Variants in TSHR observed in about 807,000 individuals in gnomAD.
TSHR encodes the protein thyrotropin receptor.
TSHR carries 51 observed loss-of-function variants against 64.1 expected under a neutral mutation model. That is an observed-to-expected ratio of 0.80 (90% CI 0.64 to 1.01). The LOEUF (loss-of-function observed/expected upper bound fraction) is 1.01, where lower values mean the gene tolerates loss of function less well. Among genes scored for constraint, TSHR ranks in the 50% least tolerant of loss-of-function variants. The pLI, the probability that TSHR is intolerant of heterozygous loss-of-function variation, is 0.00. For synonymous variants in TSHR, 361 were observed against 361.9 expected (o/e 1.00, Z 0.03); for missense variants, 877 against 942.8 (o/e 0.93, Z 0.91).
chr14:81,130,998 C>CA (rs76794218), intron 8 of TSHR, among the ~76,000 whole-genome samples: 8,363 of 67,106 alleles, frequency 0.12, 1,382 homozygotes, highest in African/African-American at 0.17. Flanking sequence ...ACTCCGTCTC[C>CA]AAAAAAAAAA....
At chr14:80,971,545 A>G (rs890781442) in intron 1 of TSHR, among the ~76,000 whole-genome samples, 7 of 152,210 alleles carry the variant, frequency 4.6e-5, no homozygotes, top group Non-Finnish European at 7.3e-5. Context: ...GCTATGATAG[A>G]ACCTACCTAT....
chr14:80,981,816 A>T (rs1338739321), intron 1 of TSHR, among the ~76,000 whole-genome samples: 2 of 152,164 alleles, frequency 1.3e-5, no homozygotes, highest in African/African-American at 2.4e-5. Flanking sequence ...TGTATCGTTG[A>T]CAGAGGCTGC....
Position 81,104,967 on chromosome 14 carries a change from CATAG to C in TSHR, c.615-3404_615-3401del, listed in dbSNP as rs966610823. 4 of 985,270 alleles carry C rather than the reference CATAG, an allele frequency of 4.1e-6. No individual in the cohort carries two copies. In the African/African-American group the frequency reaches 7.0e-5, roughly 17 times the overall value. 61.0% of individuals were successfully genotyped at this position (985,270 alleles called of 1,614,324 possible). A position where few individuals can be genotyped will look rare whatever the true frequency, so the allele number is the denominator to read the frequency against. On this transcript the variant is annotated intron_variant, in intron 7 of 9. Coordinates refer to ENST00000298171, the MANE Select transcript of TSHR (RefSeq NM_000369.5). ...TTCTTTTCTCATAAGCCCTTTCCAGCATAGATATTTAGAAACCCTGACTTTCAAA... is the reference window on the plus strand; with the variant it reads ...TTCTTTTCTCATAAGCCCTTTCCAGCATATTTAGAAACCCTGACTTTCAAA...
intron 8 of TSHR, among the ~76,000 whole-genome samples, chr14:81,113,293 C>T (rs919281521): frequency 3.3e-5 from 5 of 152,176 alleles, no homozygotes; most frequent in African/African-American, 4.8e-5. Flanking sequence ...ATGAGAGAAA[C>T]GAAGGAATCA....
At chr14:81,079,860 GAAA>G (rs11315908) in intron 3 of TSHR, among the ~76,000 whole-genome samples, 1 of 89,636 alleles carries the variant, frequency 1.1e-5, no homozygotes, top group African/African-American at 3.3e-5. Flanking sequence ...TAGCTCAAAA[GAAA>G]AAAAAAAAAA....
intron 3 of TSHR, chr14:81,078,941 G>A (rs896096798): frequency 1.3e-5 from 2 of 152,174 alleles, no homozygotes; most frequent in African/African-American, 4.8e-5. Context: ...AAAATTGTGA[G>A]CTATAATAAA....
At chr14:81,069,340 C>T (rs1015110193) in intron 3 of TSHR, among the ~76,000 whole-genome samples, 25 of 152,146 alleles carry the variant, frequency 1.6e-4, no homozygotes, top group African/African-American at 6.0e-4. Flanking sequence ...CATTAAGATG[C>T]TTTCAAGAAT....
intron 8 of TSHR, among the ~76,000 whole-genome samples, chr14:81,124,130 A>G (rs7150881): frequency 0.068 from 10,421 of 152,220 alleles, 915 homozygotes; most frequent in East Asian, 0.23. Context: ...ATCAGCATAA[A>G]TAAACTTCAA....
intron 1 of TSHR, among the ~76,000 whole-genome samples, chr14:81,005,565 A>G (rs1451897981): frequency 4.6e-5 from 7 of 152,160 alleles, no homozygotes. Flanking sequence ...ATCCACAATC[A>G]ATATTGTTCA....
At chr14:80,988,250 G>A (rs1202746567) in intron 1 of TSHR, among the ~76,000 whole-genome samples, 1 of 152,162 alleles carries the variant, frequency 6.6e-6, no homozygotes, top group Non-Finnish European at 1.5e-5. Context: ...AAAGAAAAGA[G>A]GTGTATTTGG....
At chr14:80,990,426 C>A (rs1464358601) in intron 1 of TSHR, among the ~76,000 whole-genome samples, 8 of 152,348 alleles carry the variant, frequency 5.3e-5, no homozygotes, top group Non-Finnish European at 8.8e-5. Context: ...TGTCATCTGG[C>A]CCCTTTGATG....
chr14:81,139,714 C>G lies in TSHR; in HGVS notation c.728C>G (p.Ser243Cys). Residue 243 changes from serine (S) to cysteine (C), a missense_variant, in exon 9 of 10, where the codon TCC becomes TGC. Ser to Cys is a moderately radical substitution (Grantham distance 112, BLOSUM62 -1). Transcript: ENST00000298171. ...VSQTSVTALP[S>C]KGLEHLKELI... ...CAAACCAGTGTCACTGCCCTTCCAT[C>G]CAAAGGCCTGGAGCACCTGAAGGAA... The G allele has an allele frequency of 6.2e-7, 1 of 1,614,208 alleles. No individual in the cohort carries two copies.
intron 1 of TSHR, among the ~76,000 whole-genome samples, chr14:80,980,425 C>T (rs1332741517): frequency 6.6e-6 from 1 of 152,182 alleles, no homozygotes. Flanking sequence ...CCACTATCCA[C>T]TTTTTCCTTC....
chr14:81,085,906 A>G (rs141775720), intron 3 of TSHR, among the ~76,000 whole-genome samples: 2 of 152,326 alleles, frequency 1.3e-5, no homozygotes, highest in East Asian at 3.9e-4. Context: ...GCAAGGTGGG[A>G]AAATTATGAG....
chr14:81,091,180 G>A, intron 5 of TSHR, 37 bp downstream of exon 5: 7 of 1,554,034 alleles, frequency 4.5e-6, no homozygotes, highest in African/African-American at 1.4e-5. Context: ...ACAATATTTT[G>A]TTTGTCACTG....
intron 1 of TSHR, among the ~76,000 whole-genome samples, chr14:81,028,390 C>T (rs1040159357): frequency 6.6e-6 from 1 of 151,720 alleles, no homozygotes; most frequent in African/African-American, 2.4e-5. Context: ...ATCCTAGGAA[C>T]GTGATTCAAG....
chr14:81,011,859 A>AAAAT lies in TSHR; in HGVS notation c.171-50265_171-50262dup, dbSNP rs201530269. The stretch of plus-strand genomic sequence containing the variant: ...TGGCGACAGAGGGAGACTCTGTCTC[A>AAAAT]AAATAAATAAATAAATAAATAAATA... On this transcript the variant is annotated intron_variant, in intron 1 of 9. Coordinates refer to ENST00000298171, the MANE Select transcript of TSHR (RefSeq NM_000369.5). Among the ~76,000 whole-genome samples the AAAAT allele has an allele frequency of 2.3e-3, 342 of 151,716 alleles. 1 individual carries two copies. The highest frequency in any genetic ancestry group is 4.3e-3 in the African/African-American group (177 of 41,136).
chr14:80,990,202 G>T (rs551328383), intron 1 of TSHR, among the ~76,000 whole-genome samples: 2 of 152,208 alleles, frequency 1.3e-5, no homozygotes, highest in Non-Finnish European at 2.9e-5. Context: ...AGGCAGGAAG[G>T]GCTAAGGGAC....
In TSHR at chr14:81,144,169, A is replaced by T. The variant is rs1238269994; in HGVS notation, c.2111A>T (p.Gln704Leu). 1 of 1,614,096 alleles carries T rather than the reference A, an allele frequency of 6.2e-7. No homozygotes were observed. The highest frequency in any genetic ancestry group is 8.5e-7 in the Non-Finnish European group (1 of 1,179,960). ...TTTGGCATCTGTAAACGCCAGGCTC[A>T]GGCATACCGGGGGCAGAGGGTTCCT... The part of the protein sequence containing the change: ...SKFGICKRQA[Q>L]AYRGQRVPPK... Residue 704 changes from glutamine (Q) to leucine (L), a missense_variant, in exon 10 of 10, where the codon CAG becomes CTG. Coordinates refer to ENST00000298171, the MANE Select transcript of TSHR (RefSeq NM_000369.5).
Sources: allele counts gnomAD v4.1 joint callset (sites outside exome capture counted in the v4.1 genomes callset), GRCh38; gene constraint gnomAD v4.1.1; transcripts MANE v1.5; gene names NCBI Gene and HGNC (gene_info 2026-07-23, HGNC 2026-07-21).